Variants in VRK2 observed in about 807,000 individuals in gnomAD.
VRK2 encodes serine/threonine-protein kinase VRK2.
A neutral mutation model predicts 57.6 loss-of-function variants in VRK2; 60 were observed. That is an observed-to-expected ratio of 1.04 (90% confidence interval 0.85 to 1.29). VRK2 has a LOEUF of 1.29. VRK2 is among the 50% of genes most tolerant of loss of function. VRK2 has a pLI of 0.00. For synonymous variants in VRK2, 231 were observed against 199.2 expected (o/e 1.16, Z -1.35); for missense variants, 705 against 588.1 (o/e 1.20, Z -2.06).
At chr2:57,976,002 TGA>T (rs1558521686) in intron 1 of VRK2, among the ~76,000 whole-genome samples, 2 of 152,032 alleles carry the variant, frequency 1.3e-5, no homozygotes, top group Non-Finnish European at 2.9e-5. Context: ...CACTTATAAG[TGA>T]GAGCATGTGG....
At chr2:58,079,323 A>G (rs1458321481) in intron 2 of VRK2, among the ~76,000 whole-genome samples, 4 of 152,128 alleles carry the variant, frequency 2.6e-5, no homozygotes, top group Non-Finnish European at 5.9e-5. Flanking sequence ...TTTACAATTA[A>G]TAAGTGTCTT....
chr2:57,910,257 A>G, intron 1 of VRK2, among the ~76,000 whole-genome samples: 1 of 152,220 alleles, frequency 6.6e-6, no homozygotes, highest in East Asian at 1.9e-4. Flanking sequence ...GATTTTCAAC[A>G]CTGGGAAGGT....
rs540966523 is a variant in VRK2 at position 57,960,058 on chromosome 2, G to C, written c.-439+52219G>C. 2.7e-5 allele frequency among the ~76,000 whole-genome samples: 4 copies of C among 149,834 alleles called. No individual in the cohort carries two copies. The East Asian group carries it at 7.9e-4, about 30-fold the overall frequency. On this transcript the variant is annotated intron_variant, in intron 1 of 15. Coordinates refer to the VRK2 transcript ENST00000417641. ...TGAGAGAGAGGTGTGTGTGTTGTGG[G>C]GCGGGGGGAGGTGTGTGACGGGGGC...
intron 1 of VRK2, among the ~76,000 whole-genome samples, chr2:58,014,397 T>C (rs1401070571): frequency 6.6e-6 from 1 of 152,222 alleles, no homozygotes; most frequent in African/African-American, 2.4e-5. Flanking sequence ...TTACAATCTT[T>C]CAAGATATGG....
intron 2 of VRK2, among the ~76,000 whole-genome samples, chr2:58,060,768 C>G (rs1307195965): frequency 6.6e-6 from 1 of 151,708 alleles, no homozygotes; most frequent in Admixed American, 6.6e-5. Flanking sequence ...GGTTTTTAAA[C>G]CTAAATTACA....
At chr2:58,024,238 T>A (rs539912962) in intron 1 of VRK2, among the ~76,000 whole-genome samples, 1 of 152,090 alleles carries the variant, frequency 6.6e-6, no homozygotes, top group Admixed American at 6.6e-5. Context: ...GAAATAAACA[T>A]GTATTTAGGC....
chr2:58,155,547 C>G (rs1489429000), intron 12 of VRK2, among the ~76,000 whole-genome samples: 2 of 152,014 alleles, frequency 1.3e-5, no homozygotes, highest in Non-Finnish European at 2.9e-5. Context: ...GAAAGGTTGT[C>G]AGAGCTCTAT....
intron 7 of VRK2, among the ~76,000 whole-genome samples, chr2:58,115,958 A>C (rs531935905): frequency 6.6e-6 from 1 of 152,318 alleles, no homozygotes; most frequent in African/African-American, 2.4e-5. Context: ...ATAGGAGAGT[A>C]TATGGGTTTG....
intron 1 of VRK2, among the ~76,000 whole-genome samples, chr2:57,913,219 C>CAATATAATGAGTTATAAGAATTA (rs1670044143): frequency 6.6e-6 from 1 of 152,146 alleles, no homozygotes; most frequent in Non-Finnish European, 1.5e-5. Context: ...AATCTTGGCC[C>CAATATAATGAGTTATAAGAATTA]TACCAATTTA....
intron 8 of VRK2, among the ~76,000 whole-genome samples, chr2:58,125,986 C>T (rs1678284737): frequency 1.3e-5 from 2 of 151,936 alleles, no homozygotes; most frequent in South Asian, 4.1e-4. Flanking sequence ...CCAGAATAAA[C>T]AATGCCATAA....
At chr2:57,936,517 TG>T (rs1670910997) in intron 1 of VRK2, among the ~76,000 whole-genome samples, 1 of 148,794 alleles carries the variant, frequency 6.7e-6, no homozygotes, top group East Asian at 2.0e-4. Context: ...TGTTTTGTTT[TG>T]TTTTGTTTTT....
At chr2:57,978,509 C>T (rs1672317601) in intron 1 of VRK2, among the ~76,000 whole-genome samples, 1 of 150,904 alleles carries the variant, frequency 6.6e-6, no homozygotes, top group Admixed American at 6.6e-5. Flanking sequence ...TTAAGGCAAG[C>T]AGAACAATCT....
intron 1 of VRK2, among the ~76,000 whole-genome samples, chr2:57,911,066 C>T (rs1293756393): frequency 1.3e-5 from 2 of 150,522 alleles, no homozygotes; most frequent in Admixed American, 6.6e-5. Flanking sequence ...CATTTCTCAA[C>T]GGAGCAATCA....
intron 4 of VRK2, 93 bp from the exon 5 acceptor site, chr2:58,086,246 T>C: frequency 9.0e-7 from 1 of 1,113,020 alleles, no homozygotes; most frequent in Non-Finnish European, 1.3e-6. Context: ...TCTAATTACT[T>C]TTTTGGTTAG....
chr2:58,078,080 G>T (rs1291296670), intron 2 of VRK2, among the ~76,000 whole-genome samples: 1 of 152,144 alleles, frequency 6.6e-6, no homozygotes. Context: ...ACATTGTTGT[G>T]CAGCAGATCT....
At chr2:57,914,482 T>C (rs536063896) in intron 1 of VRK2, among the ~76,000 whole-genome samples, 190 of 152,152 alleles carry the variant, frequency 1.2e-3, no homozygotes, top group Non-Finnish European at 2.1e-3. Context: ...CCTGAAATAT[T>C]ACATTATACT....
chr2:57,984,985 GA>G (rs1327940443), intron 1 of VRK2, among the ~76,000 whole-genome samples: 2 of 151,834 alleles, frequency 1.3e-5, no homozygotes, highest in East Asian at 1.9e-4. Flanking sequence ...AAAATGTTAT[GA>G]GGGGGATTAA....
chr2:57,956,053 G>T (rs931542702), intron 1 of VRK2, among the ~76,000 whole-genome samples: 3 of 152,102 alleles, frequency 2.0e-5, no homozygotes, highest in Non-Finnish European at 4.4e-5. Flanking sequence ...TATGTTCAAC[G>T]TATAACAATA....
At chr2:58,037,481 C>G (rs913014338) in intron 3 of VRK2, among the ~76,000 whole-genome samples, 1 of 151,998 alleles carries the variant, frequency 6.6e-6, no homozygotes, top group Admixed American at 6.6e-5. Flanking sequence ...GGTTTTGACT[C>G]TTGTTCCATA....
Sources: allele counts gnomAD v4.1 joint callset (sites outside exome capture counted in the v4.1 genomes callset), GRCh38; gene constraint gnomAD v4.1.1; transcripts MANE v1.5; gene names NCBI Gene and HGNC (gene_info 2026-07-23, HGNC 2026-07-21).